The following LPIN2 variants were observed in gnomAD, a reference collection of about 807,000 sequenced individuals.
LPIN2 encodes lipin 2, also known as phosphatidate phosphatase LPIN2.
A neutral mutation model predicts 111.4 loss-of-function variants in LPIN2; 55 were observed. That is an observed-to-expected ratio of 0.49 (90% CI 0.40 to 0.62). LPIN2 has a LOEUF of 0.62. Ranked by LOEUF, LPIN2 falls within the 20% of genes least tolerant of loss-of-function variation. The pLI is 0.00. For synonymous variants in LPIN2, 425 were observed against 414.0 expected (o/e 1.03, Z -0.32); for missense variants, 992 against 1,112.1 (o/e 0.89, Z 1.54).
At chr18:3,000,920 A>C (rs2078425596) in intron 1 of LPIN2, among the ~76,000 whole-genome samples, 1 of 55,952 alleles carries the variant, frequency 1.8e-5, no homozygotes, top group African/African-American at 6.0e-5. Context: ...AAACAAAGAA[A>C]GGTGCTAAAA....
At chr18:2,966,059 C>T (rs1432340008) in intron 1 of LPIN2, among the ~76,000 whole-genome samples, 3 of 152,082 alleles carry the variant, frequency 2.0e-5, no homozygotes, top group African/African-American at 4.8e-5. Context: ...CCTTGGCCTC[C>T]GGAGAAGCTG....
Position 2,923,852 on chromosome 18 carries a change from A to AGCATCCG in LPIN2, c.2090_2096dup (p.Leu700GlyfsTer28). The stretch of plus-strand genomic sequence containing the variant: ...CCAGCTGTGGGAGAATCTGTCCCAA[A>AGCATCCG]GCATCCGACCTAAGAAGACGGTAGA... On this transcript the variant is annotated frameshift_variant, in exon 16 of 20. Coordinates refer to ENST00000677752, the MANE Select transcript of LPIN2 (RefSeq NM_001375808.2). LOFTEE classifies it high-confidence loss of function. 6.2e-7 allele frequency: 1 copy of AGCATCCG among 1,614,128 alleles called. No individual in the cohort carries two copies. Among genetic ancestry groups the AGCATCCG allele is most frequent in the Non-Finnish European group, 8.5e-7 (1 of 1,179,954 alleles).
intron 7 of LPIN2, among the ~76,000 whole-genome samples, chr18:2,936,106 C>T (rs1052337163): frequency 4.6e-5 from 7 of 152,174 alleles, no homozygotes; most frequent in African/African-American, 1.2e-4. Context: ...CCAACACCTT[C>T]GACAGTCACA....
chr18:2,985,660 A>G (rs1259225779), intron 1 of LPIN2, among the ~76,000 whole-genome samples: 1 of 152,208 alleles, frequency 6.6e-6, no homozygotes, highest in Admixed American at 6.5e-5. Context: ...ATGTAAGACT[A>G]GGTATACAGG....
intron 1 of LPIN2, among the ~76,000 whole-genome samples, chr18:2,993,081 T>A (rs946792404): frequency 6.6e-6 from 1 of 150,584 alleles, no homozygotes; most frequent in Non-Finnish European, 1.5e-5. Context: ...GGAGCTTGAG[T>A]GTGCAGTAAG....
intron 13 of LPIN2, among the ~76,000 whole-genome samples, chr18:2,926,403 TGTATGTCTCCCTTTGGCTCC>T (rs894468508): frequency 6.6e-6 from 1 of 152,154 alleles, no homozygotes; most frequent in African/African-American, 2.4e-5. Flanking sequence ...GAGATTATTT[TGTATGTCTCCCTTTGGCTCC>T]GGATGGGATG....
At chr18:2,967,293 G>A (rs536206962) in intron 1 of LPIN2, among the ~76,000 whole-genome samples, 2 of 151,982 alleles carry the variant, frequency 1.3e-5, no homozygotes, top group South Asian at 4.2e-4. Flanking sequence ...GTCCCTGAGG[G>A]CAAAAAAAAT....
At position 2,942,524 on chromosome 18, in the gene LPIN2, AGTATAAAAG is replaced by A. The variant is rs553245274; in HGVS notation, c.591-1821_591-1813del. Among the ~76,000 whole-genome samples, 16 of 152,312 alleles carry A rather than the reference AGTATAAAAG, an allele frequency of 1.1e-4. No homozygotes were observed. The South Asian group carries it at 3.3e-3, about 32-fold the overall frequency. On this transcript the variant is annotated intron_variant, in intron 4 of 19. Transcript: ENST00000677752. ...TTACTTTTGGGACATATTTCACTGC[AGTATAAAAG>A]GTAAGCCAAGAAGAATTCAGCAAAG...
At chr18:2,939,214 T>C (rs970276128) in intron 6 of LPIN2, among the ~76,000 whole-genome samples, 8 of 152,214 alleles carry the variant, frequency 5.3e-5, no homozygotes, top group African/African-American at 1.9e-4. Context: ...AAGATGCCTT[T>C]TAAAATGTCC....
chr18:2,980,887 A>C (rs1484255037), intron 1 of LPIN2, among the ~76,000 whole-genome samples: 1 of 152,204 alleles, frequency 6.6e-6, no homozygotes, highest in African/African-American at 2.4e-5. Context: ...CCTGTAGTAT[A>C]TTCTGCCCTA....
At chr18:2,943,429 CGTGT>C (rs145740705) in intron 4 of LPIN2, among the ~76,000 whole-genome samples, 34,438 of 142,098 alleles carry the variant, frequency 0.24, 4,293 homozygotes, top group Middle Eastern at 0.33. Flanking sequence ...ATAAAAGCTG[CGTGT>C]GTGTGTGTGT....
At chr18:3,011,447 G>A (rs1000039512) in intron 1 of LPIN2, among the ~76,000 whole-genome samples, 1 of 149,164 alleles carries the variant, frequency 6.7e-6, no homozygotes, top group African/African-American at 2.4e-5. Flanking sequence ...CTCTTTGGGA[G>A]GCCGAGGGGG....
intron 14 of LPIN2, among the ~76,000 whole-genome samples, chr18:2,924,991 A>G (rs1366780055): frequency 6.6e-6 from 1 of 152,050 alleles, no homozygotes; most frequent in African/African-American, 2.4e-5. Context: ...GACTCTCAAG[A>G]GATGGAGGAA....
At chr18:2,981,019 A>C (rs2078102387) in intron 1 of LPIN2, among the ~76,000 whole-genome samples, 1 of 152,230 alleles carries the variant, frequency 6.6e-6, no homozygotes, top group African/African-American at 2.4e-5. Context: ...AAAATATGAA[A>C]ACATGGTCTT....
intron 11 of LPIN2, 75 bp from the exon 12 acceptor site, chr18:2,927,886 G>C: frequency 1.7e-6 from 2 of 1,189,242 alleles, no homozygotes; most frequent in South Asian, 2.4e-5. Flanking sequence ...CTAGCCTGAA[G>C]GACGGGGCCT....
Position 2,918,292 on chromosome 18 carries a change from A to C in LPIN2, c.*2001T>G, listed in dbSNP as rs1220380809. ...GTCAAGAAAAAGAAACTAGTCAAAA[A>C]CTCTTTAAAGGACAACCTAAAAAGG... On this transcript the variant is annotated 3_prime_UTR_variant, in exon 20 of 20. Transcript: ENST00000677752. 6.6e-6 allele frequency: 1 copy of C among 151,996 alleles called. No homozygotes were observed. Among genetic ancestry groups the C allele is most frequent in the African/African-American group, 2.4e-5 (1 of 41,364 alleles). The allele number at this position is 151,996 out of a possible 1,614,324, so 9.4% of individuals were successfully genotyped here. A position where few individuals can be genotyped will look rare whatever the true frequency, so the allele number is the denominator to read the frequency against.
At chr18:2,920,925 T>C (rs1170093505) in intron 18 of LPIN2, 44 bp from the exon 19 acceptor site, 1 of 1,305,342 alleles carries the variant, frequency 7.7e-7, no homozygotes, top group Non-Finnish European at 1.1e-6. Flanking sequence ...GGAGGAGAAT[T>C]CAGGAGATAC....
chr18:2,960,437 T>C (rs1439076614), intron 2 of LPIN2, among the ~76,000 whole-genome samples: 1 of 152,044 alleles, frequency 6.6e-6, no homozygotes, highest in African/African-American at 2.4e-5. Flanking sequence ...CAGTCGAGCT[T>C]TGTGGTTTTC....
rs532078460 is a variant in LPIN2 at position 2,996,788 on chromosome 18, C to A, written c.-10+16299G>T. 9.9e-5 allele frequency among the ~76,000 whole-genome samples: 15 copies of A among 152,122 alleles called. No homozygotes were observed. In the East Asian group the frequency reaches 2.9e-3, roughly 30 times the overall value. ...CACCACGCTCGACCAATATCTTTAT[C>A]TATCTATTGAGTATCATATATATCC... On this transcript the variant is annotated intron_variant, in intron 1 of 19. Coordinates refer to ENST00000677752, the MANE Select transcript of LPIN2 (RefSeq NM_001375808.2).
Sources: gnomAD v4.1 joint callset for allele counts (sites outside exome capture counted in the v4.1 genomes callset) on GRCh38, gnomAD v4.1.1 for gene constraint, MANE v1.5 for transcripts, NCBI Gene and HGNC (gene_info 2026-07-23, HGNC 2026-07-21) for gene names.